RUBCNL: variants seen among roughly 807,000 people sequenced by gnomAD.
RUBCNL encodes rubicon like autophagy enhancer, also known as protein associated with UVRAG as autophagy enhancer.
RUBCNL carries 62 observed loss-of-function variants against 69.5 expected under a neutral mutation model. That is an observed-to-expected ratio of 0.89 (90% confidence interval 0.73 to 1.10). The LOEUF is 1.10. Among genes scored for constraint, RUBCNL ranks in the 50% least tolerant of loss-of-function variants. RUBCNL has a pLI of 0.00. For synonymous variants in RUBCNL, 291 were observed against 303.6 expected (o/e 0.96, Z 0.43); for missense variants, 768 against 798.1 (o/e 0.96, Z 0.45).
chr13:46,362,655 C>T, intron 6 of RUBCNL, 57 bp from the exon 7 acceptor site: 1 of 1,236,518 alleles, frequency 8.1e-7, no homozygotes, highest in Non-Finnish European at 1.2e-6. Context: ...CATTTAATCG[C>T]AGTCCATTTT....
rs1165483148 is a variant in RUBCNL at position 46,335,179 on chromosome 13, C to A, written c.*8206G>T. 6.6e-6 allele frequency among the ~76,000 whole-genome samples: 1 copy of A among 151,874 alleles called. No individual in the cohort carries two copies. The highest frequency in any genetic ancestry group is 2.4e-5 in the African/African-American group (1 of 41,286). On this transcript the variant is annotated 3_prime_UTR_variant, in exon 15 of 15. Coordinates refer to ENST00000429979, the MANE Select transcript of RUBCNL (RefSeq NM_025113.5). ...TCCTGGGCTCGATCGATCCTCCCAC[C>A]TCAGCCTCCTGGGTAGCTGGGAATA...
Position 46,337,208 on chromosome 13 carries a change from T to C in RUBCNL, c.*6177A>G, listed in dbSNP as rs2048110324. Among the ~76,000 whole-genome samples the C allele has an allele frequency of 6.6e-6, 1 of 152,072 alleles. No individual in the cohort carries two copies. Among genetic ancestry groups the C allele is most frequent in the South Asian group, 2.1e-4 (1 of 4,822 alleles). On this transcript the variant is annotated 3_prime_UTR_variant, in exon 15 of 15. Transcript: ENST00000429979. Reference sequence around the variant, plus strand: ...GTCAGGCTGGAGTACAGTGGCGTGATCTCAGCTCACCGCAACCTTCAACTC... The same window carrying C: ...GTCAGGCTGGAGTACAGTGGCGTGACCTCAGCTCACCGCAACCTTCAACTC...
chr13:46,371,911 G>A, intron 3 of RUBCNL, 30 bp downstream of exon 3: 1 of 1,607,918 alleles, frequency 6.2e-7, no homozygotes, highest in Non-Finnish European at 8.5e-7. Flanking sequence ...TGAACAGAGA[G>A]GAATGAGGGA....
rs1451459836 is a variant in RUBCNL at position 46,343,264 on chromosome 13, T to C, written c.*121A>G. On this transcript the variant is annotated 3_prime_UTR_variant, in exon 15 of 15. Transcript: ENST00000429979. ...TTAAGTATATGCAATAAAGAGAATA[T>C]AGACCATCTTTTTCCTTAATATACA... The C allele has an allele frequency of 6.9e-7, 1 of 1,456,012 alleles. No individual in the cohort carries two copies. Among genetic ancestry groups the C allele is most frequent in the Non-Finnish European group, 9.4e-7 (1 of 1,065,036 alleles). The allele number at this position is 1,456,012 out of a possible 1,614,324, so 90.2% of individuals were successfully genotyped here. A position where few individuals can be genotyped will look rare whatever the true frequency, so the allele number is the denominator to read the frequency against.
rs551754529 is a variant in RUBCNL at position 46,379,226 on chromosome 13, G to A, written c.-238-1221C>T. On this transcript the variant is annotated intron_variant, in intron 1 of 14. Transcript: ENST00000429979. ...CAAGTAGCTGGGATTACAGGTGCCC[G>A]CCACCATGCCTGGCTAATTTTTAGT... Among the ~76,000 whole-genome samples, 8 of 152,088 alleles carry A rather than the reference G, an allele frequency of 5.3e-5. No homozygotes were observed. The South Asian group carries it at 1.0e-3, about 20-fold the overall frequency.
Position 46,341,563 on chromosome 13 carries a change from T to C in RUBCNL, c.*1822A>G, listed in dbSNP as rs2048142837. Among the ~76,000 whole-genome samples, 1 of 152,218 alleles carries C rather than the reference T, an allele frequency of 6.6e-6. No individual in the cohort carries two copies. The highest frequency in any genetic ancestry group is 2.1e-4 in the South Asian group (1 of 4,834). On this transcript the variant is annotated 3_prime_UTR_variant, in exon 15 of 15. Coordinates refer to ENST00000429979, the MANE Select transcript of RUBCNL (RefSeq NM_025113.5). ...GTGCACTCTTCCTTAATATCAAAGA[T>C]ATGTAACACACACAGGCTCATCAGT...
intron 12 of RUBCNL, among the ~76,000 whole-genome samples, chr13:46,348,001 A>G (rs1368304681): frequency 2.0e-5 from 3 of 152,228 alleles, no homozygotes; most frequent in Non-Finnish European, 4.4e-5. Context: ...TCAAAAAAAA[A>G]GAAGGAAGGA....
chr13:46,359,680 G>A, intron 8 of RUBCNL, 49 bp from the exon 9 acceptor site: 1 of 1,426,602 alleles, frequency 7.0e-7, no homozygotes, highest in Non-Finnish European at 9.3e-7. Flanking sequence ...ATATTTCAAA[G>A]AATTTAAATT....
intron 1 of RUBCNL, among the ~76,000 whole-genome samples, chr13:46,384,448 T>C (rs2049190716): frequency 6.6e-6 from 1 of 152,216 alleles, no homozygotes; most frequent in South Asian, 2.1e-4. Flanking sequence ...TTATACTTAC[T>C]CTATAATTGT....
At chr13:46,368,289 A>G in intron 4 of RUBCNL, 40 bp from the exon 5 acceptor site, 1 of 1,568,280 alleles carries the variant, frequency 6.4e-7, no homozygotes, top group Non-Finnish European at 8.7e-7. Context: ...AGCATAATCA[A>G]CTTTTTCATG....
chr13:46,385,427 T>C (rs2138861882), intron 1 of RUBCNL: 1 of 186,242 alleles, frequency 5.4e-6, no homozygotes, highest in Non-Finnish European at 1.0e-5. Flanking sequence ...ATCCAAGAAC[T>C]GCCTAAATTT....
rs1413437785 is a variant in RUBCNL at position 46,350,320 on chromosome 13, G to A, written c.1362C>T (p.Tyr454=). ...AGCAGTCACAGAAATACTTCCCTAG[G>A]TATTCGCAGTACCGGAGCCGCTTCA... ...KFVKRLRYCE[Y]LGKYFCDCCH... The change falls in exon 11 of 15, where the codon TAC becomes TAT. Residue 454 remains tyrosine (Y), a synonymous_variant. Coordinates refer to ENST00000429979, the MANE Select transcript of RUBCNL (RefSeq NM_025113.5). 1 of 1,560,146 alleles carries A rather than the reference G, an allele frequency of 6.4e-7. No individual in the cohort carries two copies. The highest frequency in any genetic ancestry group is 8.7e-7 in the Non-Finnish European group (1 of 1,150,450).
At chr13:46,361,339 C>T in intron 8 of RUBCNL, 102 bp downstream of exon 8, 1 of 1,256,516 alleles carries the variant, frequency 8.0e-7, no homozygotes. Context: ...CCCCTAATAT[C>T]CAGTGACCAT....
chr13:46,349,678 ATTTT>A (rs775859134), intron 11 of RUBCNL, among the ~76,000 whole-genome samples: 3 of 141,876 alleles, frequency 2.1e-5, no homozygotes, highest in African/African-American at 5.1e-5. Context: ...AGCTTCACTA[ATTTT>A]TTTTTTTTTT....
rs190969247 is a variant in RUBCNL at position 46,341,221 on chromosome 13, A to C, written c.*2164T>G. 3.3e-5 allele frequency among the ~76,000 whole-genome samples: 5 copies of C among 152,350 alleles called. No homozygotes were observed. In the South Asian group the frequency reaches 1.0e-3, roughly 32 times the overall value. On this transcript the variant is annotated 3_prime_UTR_variant, in exon 15 of 15. Transcript: ENST00000429979. Reference sequence around the variant, plus strand: ...AATCACTGACCTTTACAGCACTGCAACTGATGCCTCACAGTGGGTAATGGT... The same window carrying C: ...AATCACTGACCTTTACAGCACTGCACCTGATGCCTCACAGTGGGTAATGGT...
chr13:46,389,458 A>G (rs571728198), upstream of RUBCNL, among the ~76,000 whole-genome samples: 1 of 152,366 alleles, frequency 6.6e-6, no homozygotes, highest in East Asian at 1.9e-4. This position sits in a 1 kb window ranked among gnomAD's most constrained non-coding sequence, Gnocchi z 4.2. Context: ...CATGCCAGGT[A>G]AATCAGTGAG....
At chr13:46,378,268 A>ATCATT (rs2049041620) in intron 1 of RUBCNL, among the ~76,000 whole-genome samples, 1 of 152,178 alleles carries the variant, frequency 6.6e-6, no homozygotes, top group Non-Finnish European at 1.5e-5. Flanking sequence ...CAGACACACA[A>ATCATT]TCATTTCAAG....
chr13:46,382,795 A>G (rs2049148476), intron 1 of RUBCNL, among the ~76,000 whole-genome samples: 1 of 152,172 alleles, frequency 6.6e-6, no homozygotes, highest in African/African-American at 2.4e-5. Context: ...TCAGCCTCCC[A>G]AAGTGCTGGG....
chr13:46,371,802 G>A (rs1314193057), intron 3 of RUBCNL, 139 bp downstream of exon 3: 26 of 823,210 alleles, frequency 3.2e-5, no homozygotes, highest in Admixed American at 2.0e-4. Flanking sequence ...TGTTGTGACC[G>A]CCCAGATGGC....
Sources: allele counts gnomAD v4.1 joint callset (sites outside exome capture counted in the v4.1 genomes callset), GRCh38; gene constraint gnomAD v4.1.1; non-coding constraint Gnocchi (gnomAD v3.1); transcripts MANE v1.5; gene names NCBI Gene and HGNC (gene_info 2026-07-23, HGNC 2026-07-21).